Variants in STK39 observed in about 807,000 individuals in gnomAD.
STK39 encodes serine/threonine kinase 39.
A neutral mutation model predicts 77.8 loss-of-function variants in STK39; 20 were observed. That is an observed-to-expected ratio of 0.26 (90% CI 0.18 to 0.37). STK39 has a LOEUF of 0.37. STK39 is among the 10% of genes least tolerant of loss of function. The pLI, the probability that STK39 is intolerant of heterozygous loss-of-function variation, is 1.00. For synonymous variants in STK39, 246 were observed against 234.1 expected (o/e 1.05, Z -0.47); for missense variants, 479 against 656.5 (o/e 0.73, Z 2.95).
At chr2:168,087,825 T>C (rs1686408247) in intron 10 of STK39, among the ~76,000 whole-genome samples, 1 of 152,194 alleles carries the variant, frequency 6.6e-6, no homozygotes, top group Non-Finnish European at 1.5e-5. Context: ...TTAATGTCTC[T>C]AAGTGAAATA....
chr2:168,240,841 C>A (rs1318300139), intron 1 of STK39, among the ~76,000 whole-genome samples: 2 of 152,264 alleles, frequency 1.3e-5, no homozygotes, highest in East Asian at 3.9e-4. Context: ...TACAGGAAGT[C>A]CAGAAGGAAG....
chr2:168,127,590 T>C (rs956693159), intron 10 of STK39, among the ~76,000 whole-genome samples: 4 of 152,212 alleles, frequency 2.6e-5, no homozygotes, highest in Non-Finnish European at 5.9e-5. Flanking sequence ...GGTTAGAATA[T>C]AAGACTGGAA....
intron 1 of STK39, among the ~76,000 whole-genome samples, chr2:168,200,349 T>C (rs142105197): frequency 6.6e-6 from 1 of 152,140 alleles, no homozygotes; most frequent in East Asian, 1.9e-4. Flanking sequence ...AAGAAGCATA[T>C]TCCAAGGAAA....
rs984871787 is a variant in STK39, at chr2:167,999,512, G to A, written c.1498+13122C>T. The stretch of plus-strand genomic sequence containing the variant: ...AGTCTCACTCTGTGGCCCAGGCTGG[G>A]GTGCAGTGGTGCTATCTCGGCTCAT... On this transcript the variant is annotated intron_variant, in intron 16 of 17. Coordinates refer to ENST00000355999, the MANE Select transcript of STK39 (RefSeq NM_013233.3). Among the ~76,000 whole-genome samples, 13 of 151,784 alleles carry A rather than the reference G, an allele frequency of 8.6e-5. No individual in the cohort carries two copies. In the East Asian group the frequency reaches 1.5e-3, roughly 18 times the overall value.
chr2:168,044,945 T>C (rs1685200315), intron 14 of STK39, among the ~76,000 whole-genome samples: 1 of 152,040 alleles, frequency 6.6e-6, no homozygotes, highest in Admixed American at 6.5e-5. Flanking sequence ...AATGAGTAAC[T>C]ATACTGAAGA....
intron 15 of STK39, among the ~76,000 whole-genome samples, chr2:168,016,720 G>A (rs1417737302): frequency 6.6e-6 from 1 of 152,110 alleles, no homozygotes; most frequent in African/African-American, 2.4e-5. Flanking sequence ...TTAGGACTGT[G>A]GTATGCTTCT....
intron 10 of STK39, among the ~76,000 whole-genome samples, chr2:168,077,900 C>T (rs2105409346): frequency 8.1e-6 from 1 of 123,906 alleles, no homozygotes; most frequent in Non-Finnish European, 1.8e-5. Flanking sequence ...AAAGTTAAAA[C>T]TTCAAAAAAA....
At chr2:168,247,126 G>T in intron 1 of STK39, 102 bp downstream of exon 1, 2 of 738,288 alleles carry the variant, frequency 2.7e-6, no homozygotes, top group Non-Finnish European at 3.3e-6. Flanking sequence ...CGGCCTCTCT[G>T]CCTCCAGGGC....
rs202186672 is a variant in STK39, at chr2:167,954,383, C to G, written c.*1113G>C. ...TGGGTTGAAAGTATTGATTCTTGAA[C>G]CTTAACAGCGTTTTACCTTTTAGTC... On this transcript the variant is annotated 3_prime_UTR_variant, in exon 18 of 18. Coordinates refer to ENST00000355999, the MANE Select transcript of STK39 (RefSeq NM_013233.3). 1 of 152,582 alleles carries G rather than the reference C, an allele frequency of 6.6e-6. No homozygotes were observed. The highest frequency in any genetic ancestry group is 1.9e-4 in the East Asian group (1 of 5,202). The allele number at this position is 152,582 out of a possible 1,614,324, so 9.5% of individuals were successfully genotyped here.
At chr2:168,170,764 T>C (rs1342095423) in intron 2 of STK39, among the ~76,000 whole-genome samples, 1 of 152,218 alleles carries the variant, frequency 6.6e-6, no homozygotes, top group South Asian at 2.1e-4. Flanking sequence ...CCGACAGTAC[T>C]GCCTGGCTGA....
intron 1 of STK39, among the ~76,000 whole-genome samples, chr2:168,237,069 T>C (rs966055075): frequency 7.2e-5 from 11 of 152,220 alleles, no homozygotes; most frequent in African/African-American, 2.6e-4. Flanking sequence ...TGATTCTTCC[T>C]ATCCATGAGC....
intron 1 of STK39, among the ~76,000 whole-genome samples, chr2:168,191,780 T>C (rs1689346544): frequency 6.6e-6 from 1 of 152,174 alleles, no homozygotes; most frequent in African/African-American, 2.4e-5. Flanking sequence ...TACTATGTAA[T>C]GCGACATATT....
At chr2:168,190,095 T>G (rs1039128242) in intron 1 of STK39, among the ~76,000 whole-genome samples, 1 of 152,194 alleles carries the variant, frequency 6.6e-6, no homozygotes, top group African/African-American at 2.4e-5. Context: ...AGAACTTCTA[T>G]GCTTGTGGAG....
intron 1 of STK39, among the ~76,000 whole-genome samples, chr2:168,219,601 T>C (rs1690112876): frequency 6.6e-6 from 1 of 152,060 alleles, no homozygotes; most frequent in East Asian, 1.9e-4. Context: ...AGAAAACATA[T>C]CTAACCCATT....
At chr2:168,020,156 T>C (rs1043806429) in intron 14 of STK39, among the ~76,000 whole-genome samples, 14 of 152,216 alleles carry the variant, frequency 9.2e-5, no homozygotes, top group African/African-American at 2.7e-4. Context: ...ATGTGGACTA[T>C]ATCTATCAAA....
intron 8 of STK39, among the ~76,000 whole-genome samples, chr2:168,130,199 C>T (rs1174513872): frequency 6.6e-6 from 1 of 152,218 alleles, no homozygotes; most frequent in African/African-American, 2.4e-5. Context: ...GTCCACACAT[C>T]GTGTCCACGC....
chr2:168,238,501 T>C (rs1455205740), intron 1 of STK39, among the ~76,000 whole-genome samples: 1 of 152,246 alleles, frequency 6.6e-6, no homozygotes, highest in Non-Finnish European at 1.5e-5. Flanking sequence ...CTCTACCATT[T>C]CTATCTTAAA....
chr2:168,088,070 C>G (rs200823379), intron 10 of STK39, among the ~76,000 whole-genome samples: 1 of 148,846 alleles, frequency 6.7e-6, no homozygotes, highest in Non-Finnish European at 1.5e-5. Context: ...CGAGAAAAAA[C>G]CTGGAAAGAC....
In STK39 at chr2:168,081,746, C is replaced by T. The variant is rs111570053; in HGVS notation, c.1090-6515G>A. Among the ~76,000 whole-genome samples, 45 of 152,198 alleles carry T rather than the reference C, an allele frequency of 3.0e-4. 2 individuals carry two copies. Among genetic ancestry groups the T allele is most frequent in the East Asian group, 3.9e-4 (2 of 5,166 alleles). ...GTTCCCACATGTCACAGGAGGAACC[C>T]GGTGGGAGGTAATTGAATTATGGGG... On this transcript the variant is annotated intron_variant, in intron 10 of 17. Coordinates refer to ENST00000355999, the MANE Select transcript of STK39 (RefSeq NM_013233.3).
Sources: gnomAD v4.1 joint callset for allele counts (sites outside exome capture counted in the v4.1 genomes callset) on GRCh38, gnomAD v4.1.1 for gene constraint, MANE v1.5 for transcripts, NCBI Gene and HGNC (gene_info 2026-07-23, HGNC 2026-07-21) for gene names.